RPSA2: variants seen among roughly 807,000 people sequenced by gnomAD.
RPSA2 encodes the protein small ribosomal subunit protein uS2B.
the RPSA2 span, among the ~76,000 whole-genome samples, chr19:23,777,698 G>A: frequency 6.6e-6 from 1 of 152,148 alleles, no homozygotes; most frequent in Non-Finnish European, 1.5e-5. Context: ...CCAGCAATTA[G>A]AAAATGTTTC....
the RPSA2 span, among the ~76,000 whole-genome samples, chr19:23,788,018 C>A: frequency 6.6e-6 from 1 of 152,226 alleles, no homozygotes; most frequent in African/African-American, 2.4e-5. Context: ...TTACTGGGCA[C>A]AGCCCACAGG....
chr19:23,784,546 C>G, the RPSA2 span, among the ~76,000 whole-genome samples: 1 of 152,210 alleles, frequency 6.6e-6, no homozygotes, highest in Non-Finnish European at 1.5e-5. Context: ...AGAAAAGGTT[C>G]TGGATTTCCT....
At chr19:23,774,130 T>C in the RPSA2 span, among the ~76,000 whole-genome samples, 4 of 152,102 alleles carry the variant, frequency 2.6e-5, no homozygotes, top group Non-Finnish European at 4.4e-5. Flanking sequence ...GCCTTGCACT[T>C]AGGTGATGTG....
chr19:23,840,994 C>G, the RPSA2 span, among the ~76,000 whole-genome samples: 1 of 145,944 alleles, frequency 6.9e-6, no homozygotes, highest in Non-Finnish European at 1.5e-5. Context: ...AAAGACAAAA[C>G]ATGGACATCG....
At chr19:23,780,371 C>G in the RPSA2 span, among the ~76,000 whole-genome samples, 2 of 152,082 alleles carry the variant, frequency 1.3e-5, no homozygotes, top group African/African-American at 2.4e-5. Flanking sequence ...CGGCCGGGCG[C>G]GGTGGCTCAC....
the RPSA2 span, among the ~76,000 whole-genome samples, chr19:23,867,378 C>T: frequency 2.0e-4 from 31 of 152,128 alleles, no homozygotes; most frequent in East Asian, 1.5e-3. Context: ...TTTATGGGGT[C>T]GAGACTTACT....
chr19:23,830,818 A>T, the RPSA2 span, among the ~76,000 whole-genome samples: 2 of 151,876 alleles, frequency 1.3e-5, no homozygotes, highest in Admixed American at 1.3e-4. Context: ...TGCTGGGATC[A>T]TATTGCCCTA....
At chr19:23,841,809 C>G in the RPSA2 span, among the ~76,000 whole-genome samples, 1 of 152,198 alleles carries the variant, frequency 6.6e-6, no homozygotes, top group Non-Finnish European at 1.5e-5. Flanking sequence ...GCTTATACAA[C>G]CAGGTTACAT....
the RPSA2 span, among the ~76,000 whole-genome samples, chr19:23,830,895 ATGT>A: frequency 1.3e-5 from 2 of 152,020 alleles, no homozygotes; most frequent in African/African-American, 4.8e-5. Context: ...AATCTTTATA[ATGT>A]TGTTCTGTCC....
chr19:23,788,537 C>T, the RPSA2 span, among the ~76,000 whole-genome samples: 1 of 152,126 alleles, frequency 6.6e-6, no homozygotes, highest in African/African-American at 2.4e-5. Flanking sequence ...GGGTCTGCCA[C>T]CCAGATGATG....
At chr19:23,852,694 C>A in the RPSA2 span, among the ~76,000 whole-genome samples, 123 of 152,310 alleles carry the variant, frequency 8.1e-4, no homozygotes, top group African/African-American at 2.8e-3. Context: ...GCGTTAGGGC[C>A]ATTATGGACA....
the RPSA2 span, among the ~76,000 whole-genome samples, chr19:23,870,032 G>T: frequency 1.3e-5 from 2 of 152,110 alleles, no homozygotes; most frequent in Non-Finnish European, 2.9e-5. Flanking sequence ...TGATATTTGG[G>T]TCACATTCCT....
At chr19:23,856,913 C>A in the RPSA2 span, among the ~76,000 whole-genome samples, 1 of 152,230 alleles carries the variant, frequency 6.6e-6, no homozygotes, top group East Asian at 1.9e-4. Context: ...TTCAGCGGTG[C>A]ACGTATTGTC....
chr19:23,828,866 T>A, the RPSA2 span, among the ~76,000 whole-genome samples: 1 of 152,002 alleles, frequency 6.6e-6, no homozygotes, highest in African/African-American at 2.4e-5. Context: ...ATTGTTCTAA[T>A]TATATTGCTT....
At chr19:23,796,532 A>G in the RPSA2 span, among the ~76,000 whole-genome samples, 1 of 152,074 alleles carries the variant, frequency 6.6e-6, no homozygotes, top group African/African-American at 2.4e-5. Flanking sequence ...TTTCAGTAGA[A>G]ATAATACCAG....
the RPSA2 span, among the ~76,000 whole-genome samples, chr19:23,821,518 A>G: frequency 1.3e-5 from 2 of 152,064 alleles, no homozygotes; most frequent in African/African-American, 4.8e-5. Flanking sequence ...CCCACTTCTA[A>G]TGTGACCATG....
At chr19:23,772,432 G>GC in the RPSA2 span, among the ~76,000 whole-genome samples, 1 of 152,088 alleles carries the variant, frequency 6.6e-6, no homozygotes, top group South Asian at 2.1e-4. Context: ...AGGTTAAATG[G>GC]TGACATATAC....
the RPSA2 span, among the ~76,000 whole-genome samples, chr19:23,857,485 CTTTTTTTTT>C: frequency 2.1e-5 from 2 of 95,258 alleles, no homozygotes; most frequent in African/African-American, 4.1e-5. Flanking sequence ...TTTTTAAAGT[CTTTTTTTTT>C]TTTTTTTTTT....
At chr19:23,854,460 T>C in the RPSA2 span, among the ~76,000 whole-genome samples, 2 of 152,178 alleles carry the variant, frequency 1.3e-5, no homozygotes, top group Non-Finnish European at 2.9e-5. Context: ...GGGGGCTGCA[T>C]TGGGACTGCT....
Sources: gnomAD v4.1 joint callset for allele counts (sites outside exome capture counted in the v4.1 genomes callset) on GRCh38, gnomAD v4.1.1 for gene constraint, MANE v1.5 for transcripts, NCBI Gene and HGNC (gene_info 2026-07-23, HGNC 2026-07-21) for gene names.